The following ANKMY1 variants were observed in gnomAD, a reference collection of about 807,000 sequenced individuals.
The protein encoded by ANKMY1 is ankyrin repeat and MYND domain-containing protein 1.
A neutral mutation model predicts 102.0 loss-of-function variants in ANKMY1; 98 were observed. The observed-to-expected ratio is 0.96, with a 90% CI of 0.82 to 1.14. ANKMY1 has a LOEUF of 1.14. Ranked by LOEUF, ANKMY1 falls within the 50% of genes most tolerant of loss-of-function variation. The probability of loss-of-function intolerance (pLI) is 0.00; values close to 1 mark genes in which losing one functional copy is unlikely to be tolerated. For missense variants in ANKMY1, 1,330 were observed against 1,347.6 expected (o/e 0.99, Z 0.20); for synonymous variants, 582 against 559.9 (o/e 1.04, Z -0.56).
At position 240,500,068 on chromosome 2, in the gene ANKMY1, G is replaced by T. The variant is rs777326078; in HGVS notation, c.2696C>A (p.Thr899Lys). ...FHTLMPAERE[T>K]FLARKRLLEY... ...CAGGAGCCGCTTCCGCGCCAGGAAC[G>T]TCTCGCGCTCTGCTGGCATCAGCGT... The change falls in exon 15 of 18, where the codon ACG becomes AAG. Residue 899 changes from threonine to lysine, a missense_variant. Thr to Lys is a moderately conservative substitution (Grantham distance 78). Transcript: ENST00000401804. The T allele has an allele frequency of 2.5e-6, 4 of 1,611,996 alleles. No individual in the cohort carries two copies. Among genetic ancestry groups the T allele is most frequent in the South Asian group, 1.1e-5 (1 of 90,734 alleles).
At chr2:240,469,041 C>G in the ANKMY1 span, among the ~76,000 whole-genome samples, 31 of 152,180 alleles carry the variant, frequency 2.0e-4, no homozygotes, top group Non-Finnish European at 3.7e-4. Context: ...GGGGATGCAG[C>G]CTGGGGGCTC....
the ANKMY1 span, among the ~76,000 whole-genome samples, chr2:240,469,115 C>T: frequency 1.3e-5 from 2 of 152,322 alleles, no homozygotes; most frequent in East Asian, 1.9e-4. Flanking sequence ...TTGTGGACAA[C>T]GCATTTGGTC....
At chr2:240,474,128 C>G in the ANKMY1 span, among the ~76,000 whole-genome samples, 29,344 of 151,816 alleles carry the variant, frequency 0.19, 3,024 homozygotes, top group Non-Finnish European at 0.23. Context: ...CAGAGTCTCA[C>G]TCTGTCGCCC....
chr2:240,499,856 TCC>T lies in ANKMY1; in HGVS notation c.2806+100_2806+101del. 7.1e-7 allele frequency: 1 copy of T among 1,418,246 alleles called. No homozygotes were observed. The highest frequency in any genetic ancestry group is 2.7e-5 in the Admixed American group (1 of 37,158). 87.9% of individuals were successfully genotyped at this position (1,418,246 alleles called of 1,614,324 possible). The stretch of plus-strand genomic sequence containing the variant: ...ACGAGCCCAGCCCCAGGAAGGCCCC[TCC>T]AAGAGCCCCAGGGGGTCCAGATCTC... On this transcript the variant is annotated intron_variant, in intron 15 of 17. Transcript: ENST00000401804. The surrounding 1 kb of genome is among the most constrained non-coding windows in gnomAD (Gnocchi z 4.2).
chr2:240,511,228 C>A (rs548982402), intron 11 of ANKMY1, among the ~76,000 whole-genome samples: 5 of 152,348 alleles, frequency 3.3e-5, no homozygotes, highest in Admixed American at 6.5e-5. Context: ...CAGGACCACA[C>A]AAGTTACCAC....
chr2:240,470,905 A>G, the ANKMY1 span, among the ~76,000 whole-genome samples: 3 of 152,204 alleles, frequency 2.0e-5, no homozygotes, highest in South Asian at 2.1e-4. Flanking sequence ...AGAGGCTTCA[A>G]TGAATGGGAA....
In ANKMY1 at chr2:240,529,444, G is replaced by A. The variant is rs147984796; in HGVS notation, c.546C>T (p.Asp182=). ...GCTGCTCTCGGAACCACAGCCCCAC[G>A]TCCTGGCTGCCATCGGGGTAGGTCT... The part of the protein sequence containing the change: ...GVETYPDGSQ[D]VGLWFREQLI... Residue 182 remains aspartate (D), a synonymous_variant, in exon 5 of 18, where the codon GAC becomes GAT. Transcript: ENST00000401804. The surrounding 1 kb of genome is among the most constrained non-coding windows in gnomAD (Gnocchi z 4.2). 94 of 1,613,982 alleles carry A rather than the reference G, an allele frequency of 5.8e-5. No homozygotes were observed. The highest frequency in any genetic ancestry group is 3.3e-4 in the Middle Eastern group (2 of 6,076).
At position 240,492,003 on chromosome 2, in the gene ANKMY1, T is replaced by A. The variant is rs572989695; in HGVS notation, c.2806+7955A>T. On this transcript the variant is annotated intron_variant, in intron 15 of 17. Coordinates refer to ENST00000401804, the MANE Select transcript of ANKMY1 (RefSeq NM_001282771.3). Reference sequence around the variant, plus strand: ...TTATTTCATTAAATTAGTTTTCTTTTAAAAAAAAAAACTGATTTATTTTTA... The same window carrying A: ...TTATTTCATTAAATTAGTTTTCTTTAAAAAAAAAAAACTGATTTATTTTTA... 8.2e-3 allele frequency among the ~76,000 whole-genome samples: 1,207 copies of A among 147,684 alleles called. 13 individuals are homozygous for A. The highest frequency in any genetic ancestry group is 0.011 in the Non-Finnish European group (718 of 66,414).
chr2:240,505,149 G>C (rs1035293814), intron 13 of ANKMY1, among the ~76,000 whole-genome samples: 3 of 151,960 alleles, frequency 2.0e-5, no homozygotes, highest in Admixed American at 6.6e-5. Flanking sequence ...CGTGGAAATA[G>C]TATGGAGGTT....
intron 9 of ANKMY1, among the ~76,000 whole-genome samples, chr2:240,518,232 C>T (rs1431175848): frequency 6.6e-6 from 1 of 152,220 alleles, no homozygotes. Flanking sequence ...GAGCTCCTTC[C>T]TCAGGAAACC....
Position 240,506,202 on chromosome 2 carries a change from C to CA in ANKMY1, c.2526+1357dup, listed in dbSNP as rs2079045481. ...AGGACTATTCTGTATGTTCAAGGCA[C>CA]ATTCAGCGTCCACACACAACAACGC... On this transcript the variant is annotated intron_variant, in intron 13 of 17. Coordinates refer to ENST00000401804, the MANE Select transcript of ANKMY1 (RefSeq NM_001282771.3). The surrounding 1 kb of genome is among the most constrained non-coding windows in gnomAD (Gnocchi z 4.9). Among the ~76,000 whole-genome samples the CA allele has an allele frequency of 6.6e-6, 1 of 152,242 alleles. No individual in the cohort carries two copies. The highest frequency in any genetic ancestry group is 1.5e-5 in the Non-Finnish European group (1 of 68,046).
intron 4 of ANKMY1, among the ~76,000 whole-genome samples, chr2:240,530,555 C>A (rs539763735): frequency 6.6e-6 from 1 of 152,350 alleles, no homozygotes. Context: ...CCCAGCCATG[C>A]TTCCTGTACA....
upstream of ANKMY1, among the ~76,000 whole-genome samples, chr2:240,559,264 G>A (rs1324863072): frequency 1.3e-5 from 2 of 152,178 alleles, no homozygotes; most frequent in Non-Finnish European, 2.9e-5. Context: ...TCCTCCAACC[G>A]TAAAGGGTGA....
downstream of ANKMY1, among the ~76,000 whole-genome samples, chr2:240,479,251 C>T (rs1056637381): frequency 5.9e-5 from 9 of 152,230 alleles, no homozygotes; most frequent in Non-Finnish European, 1.0e-4. Context: ...CTGCCCCCAC[C>T]GCCATCTCTG....
At chr2:240,476,253 C>A (rs977781169), downstream of ANKMY1, among the ~76,000 whole-genome samples, 5 of 152,308 alleles carry the variant, frequency 3.3e-5, no homozygotes, top group Admixed American at 2.0e-4. Context: ...AAAGGAGCCT[C>A]TTTAGCAAAT....
chr2:240,509,904 G>A (rs2079806866), intron 11 of ANKMY1, among the ~76,000 whole-genome samples: 1 of 151,856 alleles, frequency 6.6e-6, no homozygotes, highest in South Asian at 2.1e-4. Flanking sequence ...AGCACTCTCT[G>A]CACCAGGAGG....
rs1012166235 is a variant in ANKMY1, at chr2:240,511,227, A to C, written c.2286+634T>G. Among the ~76,000 whole-genome samples the C allele has an allele frequency of 2.6e-5, 4 of 152,128 alleles. No homozygotes were observed. The East Asian group carries it at 7.7e-4, about 29-fold the overall frequency. ...ATCCTCACGCTCATGTCAGGACCAC[A>C]CAAGTTACCACCTTGCTGAAGGCCC... On this transcript the variant is annotated intron_variant, in intron 11 of 17. Coordinates refer to ENST00000401804, the MANE Select transcript of ANKMY1 (RefSeq NM_001282771.3).
At chr2:240,516,080 A>G (rs1044880737) in intron 9 of ANKMY1, among the ~76,000 whole-genome samples, 3 of 151,682 alleles carry the variant, frequency 2.0e-5, no homozygotes, top group African/African-American at 7.3e-5. Context: ...AGTTGGCCTC[A>G]TGCTGTCTTT....
chr2:240,520,092 CCT>C lies in ANKMY1; in HGVS notation c.2004+268_2004+269del, dbSNP rs1202132270. 6.1e-6 allele frequency: 4 copies of C among 657,976 alleles called. No individual in the cohort carries two copies. Among genetic ancestry groups the C allele is most frequent in the Non-Finnish European group, 1.1e-5 (4 of 349,020 alleles). 40.8% of individuals were successfully genotyped at this position (657,976 alleles called of 1,614,324 possible). A position where few individuals can be genotyped will look rare whatever the true frequency, so the allele number is the denominator to read the frequency against. ...CAAGGGGCCTTCAGGATGCGCTTCCCCTTAGTTTGCTTCAACACTGGGAAAAA... is the reference window on the plus strand; with the variant it reads ...CAAGGGGCCTTCAGGATGCGCTTCCCTAGTTTGCTTCAACACTGGGAAAAA... On this transcript the variant is annotated intron_variant, in intron 9 of 17. Transcript: ENST00000401804. This position sits in a 1 kb window ranked among gnomAD's most constrained non-coding sequence, Gnocchi z 4.8.
Sources: gnomAD v4.1 joint callset for allele counts (sites outside exome capture counted in the v4.1 genomes callset) on GRCh38, gnomAD v4.1.1 for gene constraint, Gnocchi (gnomAD v3.1) non-coding constraint, MANE v1.5 for transcripts, NCBI Gene and HGNC (gene_info 2026-07-23, HGNC 2026-07-21) for gene names.